Variants in FILIP1 observed in about 807,000 individuals in gnomAD.
FILIP1 encodes filamin A interacting protein 1.
A neutral mutation model predicts 102.1 loss-of-function variants in FILIP1; 61 were observed. That is an observed-to-expected ratio of 0.60 (90% CI 0.49 to 0.74). The LOEUF (loss-of-function observed/expected upper bound fraction) is 0.74, where lower values mean the gene tolerates loss of function less well. FILIP1 is among the 30% of genes least tolerant of loss of function. The probability of loss-of-function intolerance (pLI) is 0.00; values close to 1 mark genes in which losing one functional copy is unlikely to be tolerated. For synonymous variants in FILIP1, 491 were observed against 526.9 expected (o/e 0.93, Z 0.93); for missense variants, 1,314 against 1,441.2 (o/e 0.91, Z 1.43).
Position 75,359,899 on chromosome 6 carries a change from A to T in FILIP1, c.450+2845T>A, listed in dbSNP as rs1223832099. Among the ~76,000 whole-genome samples the T allele has an allele frequency of 7.2e-5, 11 of 152,188 alleles. No homozygotes were observed. In the East Asian group the frequency reaches 1.7e-3, roughly 24 times the overall value. On this transcript the variant is annotated intron_variant, in intron 3 of 5. Transcript: ENST00000237172. Reference sequence around the variant, plus strand: ...GGGCCTGAAAAAAGAAAAAGATCAAAGAGGTCTTAAATACTCAGGTGGGAA... The same window carrying T: ...GGGCCTGAAAAAAGAAAAAGATCAATGAGGTCTTAAATACTCAGGTGGGAA...
intron 2 of FILIP1, among the ~76,000 whole-genome samples, chr6:75,372,640 A>AG (rs1491494229): frequency 1.6e-5 from 1 of 63,970 alleles, no homozygotes; most frequent in Non-Finnish European, 3.0e-5. Flanking sequence ...AAAGAAAGAA[A>AG]GAAAGAAAGA....
At chr6:75,419,090 T>C (rs1306701167) in intron 1 of FILIP1, among the ~76,000 whole-genome samples, 1 of 151,932 alleles carries the variant, frequency 6.6e-6, no homozygotes, top group African/African-American at 2.4e-5. Context: ...CTTTTAGTCA[T>C]TTATGCTGAA....
chr6:75,322,390 C>T (rs192985989), intron 4 of FILIP1, among the ~76,000 whole-genome samples: 6 of 152,218 alleles, frequency 3.9e-5, no homozygotes, highest in Admixed American at 1.3e-4. Context: ...TTCTCTTCTC[C>T]GCTCACCTTC....
chr6:75,363,862 CA>C (rs1165811980), intron 2 of FILIP1, among the ~76,000 whole-genome samples: 1 of 152,102 alleles, frequency 6.6e-6, no homozygotes, highest in Non-Finnish European at 1.5e-5. Flanking sequence ...TGGTTGGGAA[CA>C]AAGTTTCAGC....
At chr6:75,404,105 C>G (rs1350599952) in intron 2 of FILIP1, among the ~76,000 whole-genome samples, 1 of 152,098 alleles carries the variant, frequency 6.6e-6, no homozygotes, top group Non-Finnish European at 1.5e-5. Context: ...TGCCACACAG[C>G]ATGCATCTAT....
intron 2 of FILIP1, among the ~76,000 whole-genome samples, chr6:75,372,683 AAGAGAAAGAAAG>A (rs1212134858): frequency 0.11 from 4,907 of 46,410 alleles, 285 homozygotes; most frequent in African/African-American, 0.11. Flanking sequence ...GAAAGAAAGA[AAGAGAAAGAAAG>A]AGAAAGAAAG....
intron 2 of FILIP1, among the ~76,000 whole-genome samples, chr6:75,408,458 A>G (rs1392257219): frequency 6.6e-6 from 1 of 152,222 alleles, no homozygotes; most frequent in African/African-American, 2.4e-5. Flanking sequence ...CAAAACAGCA[A>G]ATGTGCATAT....
At chr6:75,415,998 T>C (rs561724930) in intron 1 of FILIP1, among the ~76,000 whole-genome samples, 3 of 152,302 alleles carry the variant, frequency 2.0e-5, no homozygotes, top group Non-Finnish European at 4.4e-5. Context: ...AAATTTTGCC[T>C]AAACCCTTAA....
At chr6:75,407,299 T>C (rs775323268) in intron 2 of FILIP1, among the ~76,000 whole-genome samples, 6 of 151,948 alleles carry the variant, frequency 3.9e-5, no homozygotes, top group African/African-American at 9.7e-5. Flanking sequence ...AATCTCGGCT[T>C]ACTGCAAGCT....
intron 2 of FILIP1, among the ~76,000 whole-genome samples, chr6:75,371,911 T>A (rs146543662): frequency 6.6e-6 from 1 of 152,370 alleles, no homozygotes; most frequent in Non-Finnish European, 1.5e-5. Context: ...CACTTATTTC[T>A]TGGATATGAT....
In FILIP1 at chr6:75,394,275, C is replaced by T. The variant is rs183082488; in HGVS notation, c.276+20422G>A. 4.3e-3 allele frequency among the ~76,000 whole-genome samples: 654 copies of T among 152,184 alleles called. 4 individuals carry two copies. Among genetic ancestry groups the T allele is most frequent in the Non-Finnish European group, 7.6e-3 (520 of 68,006 alleles). On this transcript the variant is annotated intron_variant, in intron 2 of 5. Transcript: ENST00000237172. ...ATCCACAAAAAAGTAAAGTAGTTCA[C>T]TTTAGGATGAATTTCAGATGGGTTA... is the stretch of plus-strand genomic sequence containing the variant.
chr6:75,388,097 A>C (rs563319365), intron 2 of FILIP1, among the ~76,000 whole-genome samples: 28 of 152,320 alleles, frequency 1.8e-4, no homozygotes, highest in African/African-American at 6.7e-4. Flanking sequence ...AGTTTTCTGC[A>C]TATGGCTAGC....
At chr6:75,377,623 C>T (rs139199847) in intron 2 of FILIP1, among the ~76,000 whole-genome samples, 1 of 152,164 alleles carries the variant, frequency 6.6e-6, no homozygotes, top group Non-Finnish European at 1.5e-5. Context: ...AAGGCAGGAG[C>T]CTCTTGTTCT....
chr6:75,411,651 A>G (rs1582465183), intron 2 of FILIP1, among the ~76,000 whole-genome samples: 1 of 152,186 alleles, frequency 6.6e-6, no homozygotes, highest in Non-Finnish European at 1.5e-5. Flanking sequence ...CTGTTTTCCC[A>G]ACACCATTTA....
intron 4 of FILIP1, among the ~76,000 whole-genome samples, chr6:75,347,958 T>C (rs1342924171): frequency 6.6e-6 from 1 of 152,114 alleles, no homozygotes; most frequent in Non-Finnish European, 1.5e-5. Context: ...TATTATATGA[T>C]GATGTAATTA....
downstream of FILIP1, among the ~76,000 whole-genome samples, chr6:75,305,620 C>T (rs1772963892): frequency 6.6e-6 from 1 of 152,186 alleles, no homozygotes; most frequent in African/African-American, 2.4e-5. Flanking sequence ...ATGATAAACA[C>T]TCTTGAGGCT....
chr6:75,372,586 A>G (rs1435154267), intron 2 of FILIP1, among the ~76,000 whole-genome samples: 1 of 147,040 alleles, frequency 6.8e-6, no homozygotes, highest in Non-Finnish European at 1.5e-5. Context: ...TTTACACCCA[A>G]CAGGATGGCT....
chr6:75,335,137 A>G (rs1415515428), intron 4 of FILIP1, among the ~76,000 whole-genome samples: 1 of 152,180 alleles, frequency 6.6e-6, no homozygotes, highest in Non-Finnish European at 1.5e-5. Flanking sequence ...ATCCCACTAG[A>G]GCCTAATCTA....
At chr6:75,445,867 G>A (rs962699336) in intron 1 of FILIP1, among the ~76,000 whole-genome samples, 13 of 151,870 alleles carry the variant, frequency 8.6e-5, no homozygotes, top group Non-Finnish European at 1.9e-4. Flanking sequence ...ATCTGGTTGT[G>A]CTTAATACCT....
Sources: gnomAD v4.1 joint callset for allele counts (sites outside exome capture counted in the v4.1 genomes callset) on GRCh38, gnomAD v4.1.1 for gene constraint, MANE v1.5 for transcripts, NCBI Gene and HGNC (gene_info 2026-07-23, HGNC 2026-07-21) for gene names.